PIGK: variants seen among roughly 807,000 people sequenced by gnomAD.
PIGK encodes the protein phosphatidylinositol glycan anchor biosynthesis class K.
Under a neutral mutation model 50.6 loss-of-function variants are expected in PIGK, and 42 were observed. The ratio of observed to expected loss-of-function variants is 0.83; its 90% confidence interval spans 0.65 to 1.07. The LOEUF (loss-of-function observed/expected upper bound fraction) is 1.07. Among genes scored for constraint, PIGK ranks in the 50% least tolerant of loss-of-function variants. The pLI is 0.00. For missense variants in PIGK, 448 were observed against 488.7 expected (o/e 0.92, Z 0.78); for synonymous variants, 151 against 156.0 (o/e 0.97, Z 0.24).
At chr1:77,217,045 C>T (rs1656585040) in intron 1 of PIGK, among the ~76,000 whole-genome samples, 1 of 152,114 alleles carries the variant, frequency 6.6e-6, no homozygotes, top group Non-Finnish European at 1.5e-5. Context: ...TCTCAAGAAT[C>T]CAGAGTTCAA....
intron 10 of PIGK, among the ~76,000 whole-genome samples, chr1:77,100,016 T>A (rs906470738): frequency 6.6e-6 from 1 of 152,206 alleles, no homozygotes; most frequent in Non-Finnish European, 1.5e-5. Context: ...TAAGCAACAC[T>A]GTACTTCCAA....
chr1:77,121,875 AT>A (rs1654101784), intron 10 of PIGK, among the ~76,000 whole-genome samples: 2 of 152,334 alleles, frequency 1.3e-5, no homozygotes, highest in Admixed American at 1.3e-4. Context: ...AGGGTAAAGG[AT>A]GCAGGGCAAG....
At chr1:77,190,104 A>C (rs1655863225) in intron 3 of PIGK, among the ~76,000 whole-genome samples, 1 of 151,918 alleles carries the variant, frequency 6.6e-6, no homozygotes, top group Non-Finnish European at 1.5e-5. Flanking sequence ...AAAGCATTTA[A>C]TAGCCGGGCA....
At chr1:77,131,193 A>G (rs1557801369) in intron 9 of PIGK, among the ~76,000 whole-genome samples, 1 of 151,726 alleles carries the variant, frequency 6.6e-6, no homozygotes, top group Non-Finnish European at 1.5e-5. Context: ...GTATTAATAC[A>G]TCTATAGACA....
intron 10 of PIGK, among the ~76,000 whole-genome samples, chr1:77,116,728 A>G (rs879454847): frequency 3.3e-5 from 5 of 152,094 alleles, no homozygotes; most frequent in Non-Finnish European, 5.9e-5. Flanking sequence ...TAAGTTCAGT[A>G]CTTAGTTTAC....
At chr1:77,124,977 C>T (rs1654195842) in intron 9 of PIGK, among the ~76,000 whole-genome samples, 1 of 152,142 alleles carries the variant, frequency 6.6e-6, no homozygotes, top group African/African-American at 2.4e-5. Flanking sequence ...CCTGTTAAGG[C>T]ACCAGCAGTT....
chr1:77,202,139 T>C (rs559121554), intron 3 of PIGK, among the ~76,000 whole-genome samples: 1 of 152,122 alleles, frequency 6.6e-6, no homozygotes, highest in South Asian at 2.1e-4. Flanking sequence ...ATTAAGAGAA[T>C]ATAAGTAAAT....
chr1:77,098,097 AG>A (rs1653462339), intron 10 of PIGK, among the ~76,000 whole-genome samples: 1 of 152,190 alleles, frequency 6.6e-6, no homozygotes, highest in Admixed American at 6.5e-5. Flanking sequence ...GGGCTATCAC[AG>A]ATCAGTGGGA....
intron 1 of PIGK, among the ~76,000 whole-genome samples, chr1:77,217,933 C>G (rs111773327): frequency 0.014 from 2,105 of 152,188 alleles, 49 homozygotes; most frequent in African/African-American, 0.048. Context: ...CAAGATGAAG[C>G]AGTCAAAGTT....
chr1:77,154,416 T>A (rs1157723345), intron 9 of PIGK, 33 bp downstream of exon 9: 1 of 1,484,280 alleles, frequency 6.7e-7, no homozygotes, highest in South Asian at 1.1e-5. Flanking sequence ...GTGAGACTAG[T>A]ATTCTATTCA....
At chr1:77,183,255 T>G (rs1655662730) in intron 3 of PIGK, among the ~76,000 whole-genome samples, 1 of 152,170 alleles carries the variant, frequency 6.6e-6, no homozygotes, top group African/African-American at 2.4e-5. Flanking sequence ...GTTTGTAAAC[T>G]CTGATGAACC....
chr1:77,096,270 T>G (rs942864885), intron 10 of PIGK, among the ~76,000 whole-genome samples: 1 of 152,148 alleles, frequency 6.6e-6, no homozygotes, highest in African/African-American at 2.4e-5. Context: ...TTCATCCAAT[T>G]GTATGTTAGA....
chr1:77,116,915 G>A (rs936007104), intron 10 of PIGK, among the ~76,000 whole-genome samples: 1 of 151,986 alleles, frequency 6.6e-6, no homozygotes, highest in Non-Finnish European at 1.5e-5. Flanking sequence ...TTGTATTAAC[G>A]TAACTTTTAC....
intron 5 of PIGK, among the ~76,000 whole-genome samples, chr1:77,164,380 C>G (rs17637028): frequency 0.05 from 7,634 of 152,226 alleles, 221 homozygotes; most frequent in Middle Eastern, 0.092. Flanking sequence ...TGCCTGGATT[C>G]AAATGGTAAC....
At chr1:77,205,861 C>T (rs7417697) in intron 3 of PIGK, among the ~76,000 whole-genome samples, 55,120 of 151,658 alleles carry the variant, frequency 0.36, 10,486 homozygotes, top group East Asian at 0.44. Flanking sequence ...CCTAAACTCA[C>T]TCCCTACAAG....
At chr1:77,195,213 T>C (rs1460165558) in intron 3 of PIGK, 9 of 1,204,230 alleles carry the variant, frequency 7.5e-6, no homozygotes, top group Non-Finnish European at 8.6e-6. Flanking sequence ...AGAAAGGTGC[T>C]GGACTTTTCT....
chr1:77,137,407 T>A (rs1218422060), intron 9 of PIGK, among the ~76,000 whole-genome samples: 1 of 152,198 alleles, frequency 6.6e-6, no homozygotes, highest in Non-Finnish European at 1.5e-5. Context: ...TTGTGATGCA[T>A]CAATACCTCA....
intron 1 of PIGK, among the ~76,000 whole-genome samples, chr1:77,216,788 C>T (rs561518716): frequency 1.3e-5 from 2 of 152,194 alleles, no homozygotes; most frequent in South Asian, 2.1e-4. Context: ...TGTGAAATTG[C>T]GGTAAGTCAT....
At chr1:77,166,687 TCTA>T in intron 5 of PIGK, 29 bp downstream of exon 5, 1 of 1,041,592 alleles carries the variant, frequency 9.6e-7, no homozygotes, top group Non-Finnish European at 1.5e-6. Flanking sequence ...TTCAATATAC[TCTA>T]CTATAAAAAC....
Sources: allele counts gnomAD v4.1 joint callset (sites outside exome capture counted in the v4.1 genomes callset), GRCh38; gene constraint gnomAD v4.1.1; transcripts MANE v1.5; gene names NCBI Gene and HGNC (gene_info 2026-07-23, HGNC 2026-07-21).